The following ERBB4 variants were observed in gnomAD, a reference collection of about 807,000 sequenced individuals.
ERBB4 encodes the protein erb-b2 receptor tyrosine kinase 4, also known as receptor tyrosine-protein kinase erbB-4.
ERBB4 carries 42 observed loss-of-function variants against 158.0 expected under a neutral mutation model. The ratio of observed to expected loss-of-function variants is 0.27; its 90% CI spans 0.21 to 0.34. ERBB4 has a LOEUF of 0.34. Ranked by LOEUF, ERBB4 falls within the 10% of genes least tolerant of loss-of-function variation. ERBB4 has a pLI of 1.00. For synonymous variants in ERBB4, 583 were observed against 558.7 expected, an observed-to-expected ratio of 1.04 and a Z score of -0.61; for missense variants, 1,333 against 1,624.1, an observed-to-expected ratio of 0.82 and a Z score of 3.08.
At chr2:211,625,539 A>G (rs1329274310) in intron 17 of ERBB4, among the ~76,000 whole-genome samples, 1 of 152,190 alleles carries the variant, frequency 6.6e-6, no homozygotes, top group Admixed American at 6.5e-5. Context: ...CTTCAATTTC[A>G]TTTTCAAATT....
intron 3 of ERBB4, among the ~76,000 whole-genome samples, chr2:211,816,106 T>C (rs1370436330): frequency 6.6e-6 from 1 of 152,204 alleles, no homozygotes; most frequent in East Asian, 1.9e-4. Flanking sequence ...ACTTGCCTTG[T>C]AATTGTGAGC....
chr2:211,625,476 A>G (rs1005270605), intron 17 of ERBB4, among the ~76,000 whole-genome samples: 49 of 152,218 alleles, frequency 3.2e-4, no homozygotes, highest in Admixed American at 1.6e-3. Flanking sequence ...AAAATTGCCA[A>G]TAAACTTAGG....
At chr2:212,532,836 A>C (rs2106347251) in intron 1 of ERBB4, among the ~76,000 whole-genome samples, 1 of 152,360 alleles carries the variant, frequency 6.6e-6, no homozygotes, top group South Asian at 2.1e-4. Context: ...TCAAAATGGA[A>C]ATAACTCTAA....
In ERBB4 at chr2:211,420,570, C is replaced by T. The variant is rs764356421; in HGVS notation, c.3006G>A (p.Lys1002=). 6.2e-7 allele frequency: 1 copy of T among 1,613,014 alleles called. No homozygotes were observed. The highest frequency in any genetic ancestry group is 1.1e-5 in the South Asian group (1 of 91,044). ...RMKLPSPNDS[K]FFQNLLDEED... Reference sequence around the variant, plus strand: ...CTTCATCCAAGAGATTCTGAAAGAACTTGCTGTCATTTGGACTGGGAAGCT... The same window carrying T: ...CTTCATCCAAGAGATTCTGAAAGAATTTGCTGTCATTTGGACTGGGAAGCT... Residue 1002 remains lysine (K), a synonymous_variant, in exon 25 of 28, where the codon AAG becomes AAA. Transcript: ENST00000342788.
chr2:212,233,068 G>A (rs1433767731), intron 1 of ERBB4, among the ~76,000 whole-genome samples: 1 of 152,074 alleles, frequency 6.6e-6, no homozygotes, highest in Admixed American at 6.6e-5. Flanking sequence ...AAGTTGGGTA[G>A]GTCCAAAAGA....
chr2:211,888,222 C>G (rs190721870), intron 3 of ERBB4, among the ~76,000 whole-genome samples: 1 of 152,202 alleles, frequency 6.6e-6, no homozygotes, highest in Admixed American at 6.5e-5. Context: ...GGAAAATGAA[C>G]CTTTTTATAT....
intron 19 of ERBB4, among the ~76,000 whole-genome samples, chr2:211,584,889 C>G (rs1574808119): frequency 6.6e-6 from 1 of 151,730 alleles, no homozygotes; most frequent in Non-Finnish European, 1.5e-5. Context: ...TTATAATTTT[C>G]TTTCTACAAC....
At chr2:211,507,057 C>T (rs939281712) in intron 20 of ERBB4, among the ~76,000 whole-genome samples, 18 of 151,762 alleles carry the variant, frequency 1.2e-4, no homozygotes, top group South Asian at 2.1e-4. Context: ...CTGTAAAATA[C>T]GATCAGAGAT....
At chr2:211,864,416 TC>T (rs977522992) in intron 3 of ERBB4, among the ~76,000 whole-genome samples, 1 of 152,136 alleles carries the variant, frequency 6.6e-6, no homozygotes, top group Non-Finnish European at 1.5e-5. Context: ...GAGCAGTAAC[TC>T]CAGGCTGCTT....
At chr2:212,335,221 C>T (rs1017733560) in intron 1 of ERBB4, among the ~76,000 whole-genome samples, 18 of 151,882 alleles carry the variant, frequency 1.2e-4, no homozygotes, top group Admixed American at 1.2e-3. Context: ...AGAGGAGCTA[C>T]ATATTTGGAG....
chr2:212,028,465 A>G (rs1287319742), intron 2 of ERBB4, among the ~76,000 whole-genome samples: 1 of 152,120 alleles, frequency 6.6e-6, no homozygotes, highest in African/African-American at 2.4e-5. Flanking sequence ...TCAGAAAGAC[A>G]AATTTTCTCA....
At chr2:212,366,303 C>T (rs1434740385) in intron 1 of ERBB4, among the ~76,000 whole-genome samples, 2 of 151,858 alleles carry the variant, frequency 1.3e-5, no homozygotes, top group Admixed American at 1.3e-4. Flanking sequence ...GATAGGATTC[C>T]AAATATTGTT....
At chr2:211,816,489 C>T (rs2076882638) in intron 3 of ERBB4, among the ~76,000 whole-genome samples, 1 of 137,442 alleles carries the variant, frequency 7.3e-6, no homozygotes, top group Admixed American at 8.2e-5. Flanking sequence ...TGAAGTGACC[C>T]AAGATCATAC....
intron 3 of ERBB4, among the ~76,000 whole-genome samples, chr2:211,921,248 C>T (rs994052607): frequency 7.9e-5 from 12 of 151,932 alleles, no homozygotes; most frequent in African/African-American, 2.7e-4. Context: ...TCAAGCTTTC[C>T]TTTTTCCCTC....
chr2:211,847,731 A>G (rs2077624806), intron 3 of ERBB4, among the ~76,000 whole-genome samples: 1 of 152,122 alleles, frequency 6.6e-6, no homozygotes, highest in African/African-American at 2.4e-5. Context: ...CTGGGAAGCC[A>G]AAAGATTGTA....
intron 1 of ERBB4, among the ~76,000 whole-genome samples, chr2:212,431,627 A>G (rs2092032718): frequency 6.6e-6 from 1 of 152,180 alleles, no homozygotes; most frequent in African/African-American, 2.4e-5. Context: ...ATGTCTGAGA[A>G]TAAAAGCCAA....
intron 3 of ERBB4, among the ~76,000 whole-genome samples, chr2:211,829,393 A>G (rs922968122): frequency 6.6e-6 from 1 of 152,124 alleles, no homozygotes; most frequent in Non-Finnish European, 1.5e-5. Flanking sequence ...CTTGATTCAT[A>G]TATTCATATG....
At chr2:212,367,744 G>C (rs765670250) in intron 1 of ERBB4, among the ~76,000 whole-genome samples, 1 of 151,814 alleles carries the variant, frequency 6.6e-6, no homozygotes, top group Non-Finnish European at 1.5e-5. Context: ...TAAGAAAAAA[G>C]TAAACATTCC....
At chr2:211,432,794 A>C (rs35849590) in intron 20 of ERBB4, among the ~76,000 whole-genome samples, 68,081 of 151,526 alleles carry the variant, frequency 0.45, 17,352 homozygotes, top group African/African-American at 0.7. Flanking sequence ...GACTATATAG[A>C]CAGATACTGA....
Sources: gnomAD v4.1 joint callset for allele counts (sites outside exome capture counted in the v4.1 genomes callset) on GRCh38, gnomAD v4.1.1 for gene constraint, MANE v1.5 for transcripts, NCBI Gene and HGNC (gene_info 2026-07-23, HGNC 2026-07-21) for gene names.